CTNNA2: variants seen among roughly 807,000 people sequenced by gnomAD.
CTNNA2 encodes the protein catenin alpha 2.
A neutral mutation model predicts 101.0 loss-of-function variants in CTNNA2; 42 were observed. The ratio of observed to expected loss-of-function variants is 0.42; its 90% confidence interval spans 0.32 to 0.54. The LOEUF (loss-of-function observed/expected upper bound fraction) is 0.54, where lower values mean the gene tolerates loss of function less well. Ranked by LOEUF, CTNNA2 falls within the 20% of genes least tolerant of loss-of-function variation. CTNNA2 has a pLI of 0.14. For missense variants in CTNNA2, 871 were observed against 1,223.1 expected, an observed-to-expected ratio of 0.71 and a Z score of 4.29; for synonymous variants, 450 against 456.4, an observed-to-expected ratio of 0.99 and a Z score of 0.18.
At chr2:80,381,104 T>A (rs1676471698) in intron 7 of CTNNA2, among the ~76,000 whole-genome samples, 1 of 151,986 alleles carries the variant, frequency 6.6e-6, no homozygotes. Flanking sequence ...CTGATTCACC[T>A]AAGCCTGAGG....
chr2:79,491,878 A>G (rs1305377648), intron 4 of CTNNA2, among the ~76,000 whole-genome samples: 1 of 152,174 alleles, frequency 6.6e-6, no homozygotes, highest in Non-Finnish European at 1.5e-5. Flanking sequence ...CCTCTATATG[A>G]TGAAATAATT....
intron 7 of CTNNA2, among the ~76,000 whole-genome samples, chr2:80,342,909 G>A (rs141694041): frequency 2.6e-5 from 4 of 152,270 alleles, no homozygotes; most frequent in African/African-American, 9.6e-5. Context: ...CCTACTGAAG[G>A]TTGTGAGGGA....
At chr2:79,252,667 A>G (rs1027244396) in intron 2 of CTNNA2, among the ~76,000 whole-genome samples, 3 of 151,862 alleles carry the variant, frequency 2.0e-5, no homozygotes, top group Non-Finnish European at 4.4e-5. Flanking sequence ...TTTTTTATGC[A>G]TAGAAACTGG....
At chr2:79,535,657 A>C (rs1673012574) in intron 1 of CTNNA2, among the ~76,000 whole-genome samples, 1 of 152,088 alleles carries the variant, frequency 6.6e-6, no homozygotes, top group African/African-American at 2.4e-5. Flanking sequence ...ATAATCATAT[A>C]TATAATTTAA....
chr2:80,048,734 G>T (rs965403979), intron 7 of CTNNA2, among the ~76,000 whole-genome samples: 1 of 152,204 alleles, frequency 6.6e-6, no homozygotes, highest in Non-Finnish European at 1.5e-5. Flanking sequence ...CAATAAATAT[G>T]CAGGAGGGAA....
At chr2:79,421,085 T>C (rs1383182635) in intron 4 of CTNNA2, among the ~76,000 whole-genome samples, 1 of 152,184 alleles carries the variant, frequency 6.6e-6, no homozygotes, top group Non-Finnish European at 1.5e-5. Flanking sequence ...ATCCCTTCCT[T>C]ATCCCCTCCA....
intron 7 of CTNNA2, among the ~76,000 whole-genome samples, chr2:80,086,320 T>C (rs968037885): frequency 6.6e-6 from 1 of 152,108 alleles, no homozygotes; most frequent in Non-Finnish European, 1.5e-5. Flanking sequence ...AGTTTTGTTC[T>C]AAATAACCAA....
intron 7 of CTNNA2, among the ~76,000 whole-genome samples, chr2:79,941,903 G>C (rs531162925): frequency 6.6e-6 from 1 of 152,306 alleles, no homozygotes; most frequent in African/African-American, 2.4e-5. Context: ...ACAGGTGTGA[G>C]CCACTGCGCC....
At chr2:79,612,666 G>C (rs977529150) in intron 1 of CTNNA2, among the ~76,000 whole-genome samples, 5 of 152,112 alleles carry the variant, frequency 3.3e-5, no homozygotes, top group Non-Finnish European at 7.4e-5. Flanking sequence ...TTAAGACTTA[G>C]TGGGGATGAA....
At chr2:80,359,827 C>T (rs1328313683) in intron 7 of CTNNA2, among the ~76,000 whole-genome samples, 1 of 152,134 alleles carries the variant, frequency 6.6e-6, no homozygotes, top group African/African-American at 2.4e-5. Flanking sequence ...TGGAGTGAAT[C>T]TTCCAACCTA....
rs372196602 is a variant in CTNNA2, at chr2:80,629,946, G to C, written c.2574+10718G>C. ...CCTTTCAAGTCTTCCCTCTGGAAGG[G>C]TGGAAGATGGCAGATAAGATAGTTC... On this transcript the variant is annotated intron_variant, in intron 18 of 18. Transcript: ENST00000402739. 8.5e-5 allele frequency among the ~76,000 whole-genome samples: 13 copies of C among 152,276 alleles called. No individual in the cohort carries two copies. The East Asian group carries it at 1.9e-3, about 23-fold the overall frequency.
At chr2:79,782,533 G>A (rs918423426) in intron 3 of CTNNA2, among the ~76,000 whole-genome samples, 8 of 152,070 alleles carry the variant, frequency 5.3e-5, no homozygotes, top group Admixed American at 2.0e-4. Context: ...CACCGCACCT[G>A]GCCTGCTTGC....
At chr2:80,427,128 G>A (rs1681067193) in intron 9 of CTNNA2, among the ~76,000 whole-genome samples, 1 of 152,080 alleles carries the variant, frequency 6.6e-6, no homozygotes, top group Non-Finnish European at 1.5e-5. Flanking sequence ...AAGAGATGGT[G>A]CTTAAAAGAG....
chr2:79,572,895 G>A (rs768210292), intron 1 of CTNNA2, among the ~76,000 whole-genome samples: 44 of 152,272 alleles, frequency 2.9e-4, no homozygotes, highest in Middle Eastern at 6.8e-3. Flanking sequence ...AGAAGGGTAT[G>A]TTTACATAGG....
intron 18 of CTNNA2, among the ~76,000 whole-genome samples, chr2:80,624,039 T>G (rs1400747428): frequency 6.6e-6 from 1 of 151,976 alleles, no homozygotes; most frequent in Non-Finnish European, 1.5e-5. Context: ...GACAAGAAAC[T>G]GTAAACATTC....
chr2:79,275,083 A>G (rs1243950698), intron 2 of CTNNA2, among the ~76,000 whole-genome samples: 1 of 152,080 alleles, frequency 6.6e-6, no homozygotes, highest in African/African-American at 2.4e-5. Context: ...ACTACCTGGA[A>G]GGCTTCAGTT....
chr2:80,173,673 C>A (rs1284501439), intron 7 of CTNNA2, among the ~76,000 whole-genome samples: 3 of 152,060 alleles, frequency 2.0e-5, no homozygotes. Context: ...ATAGGCTGCA[C>A]AATGCTGGTG....
At chr2:79,911,386 G>A (rs1371202874) in intron 7 of CTNNA2, among the ~76,000 whole-genome samples, 6 of 152,184 alleles carry the variant, frequency 3.9e-5, no homozygotes, top group Non-Finnish European at 4.4e-5. Flanking sequence ...CACAGTGATG[G>A]TTAAGATCTC....
intron 2 of CTNNA2, among the ~76,000 whole-genome samples, chr2:79,199,464 A>C (rs1019862388): frequency 6.6e-6 from 1 of 152,096 alleles, no homozygotes; most frequent in Non-Finnish European, 1.5e-5. Context: ...ACTTCTAGGA[A>C]AGCATTTGTT....
Sources: gnomAD v4.1 joint callset for allele counts (sites outside exome capture counted in the v4.1 genomes callset) on GRCh38, gnomAD v4.1.1 for gene constraint, MANE v1.5 for transcripts, NCBI Gene and HGNC (gene_info 2026-07-23, HGNC 2026-07-21) for gene names.